Variants in GRIK5 observed in about 807,000 individuals in gnomAD.
GRIK5 encodes the protein glutamate receptor ionotropic, kainate 5.
GRIK5 carries 43 observed loss-of-function variants against 97.4 expected under a neutral mutation model. The ratio of observed to expected loss-of-function variants is 0.44; its 90% CI spans 0.35 to 0.57. The LOEUF (loss-of-function observed/expected upper bound fraction) is 0.57. Among genes scored for constraint, GRIK5 ranks in the 20% least tolerant of loss-of-function variants. GRIK5 has a pLI of 0.01. For synonymous variants in GRIK5, 580 were observed against 583.5 expected, an observed-to-expected ratio of 0.99 and a Z score of 0.09; for missense variants, 1,015 against 1,382.0, an observed-to-expected ratio of 0.73 and a Z score of 4.21.
At position 42,022,434 on chromosome 19, in the gene GRIK5, A is replaced by T; in HGVS notation, c.1474-80T>A. 1.4e-6 allele frequency: 2 copies of T among 1,476,430 alleles called. No homozygotes were observed. Among genetic ancestry groups the T allele is most frequent in the Non-Finnish European group, 1.8e-6 (2 of 1,085,502 alleles). 91.5% of individuals were successfully genotyped at this position (1,476,430 alleles called of 1,614,324 possible). A position where few individuals can be genotyped will look rare whatever the true frequency, so the allele number is the denominator to read the frequency against. Reference sequence around the variant, plus strand: ...TGGACAGTTAGAGAGAAATGCACGGAGAGTGAGCAACTGAGGGAGGCGAGA... The same window carrying T: ...TGGACAGTTAGAGAGAAATGCACGGTGAGTGAGCAACTGAGGGAGGCGAGA... On this transcript the variant is annotated intron_variant, in intron 12 of 19. Coordinates refer to ENST00000593562, the MANE Select transcript of GRIK5 (RefSeq NM_002088.5). The surrounding 1 kb of genome is among the most constrained non-coding windows in gnomAD (Gnocchi z 4.2).
chr19:42,050,625 T>A lies in GRIK5; in HGVS notation c.1269+2977A>T, dbSNP rs539177025. 6.4e-5 allele frequency among the ~76,000 whole-genome samples: 9 copies of A among 141,100 alleles called. 1 individual carries two copies. The East Asian group carries it at 1.9e-3, about 29-fold the overall frequency. The allele number at this position is 141,100 out of a possible 152,430, so 92.6% of individuals were successfully genotyped here. ...GTGAGCCGAGATCGCGCCACTGCAC[T>A]CCAGCCTGGGTGACAGAGCAAGACT... is the stretch of plus-strand genomic sequence containing the variant. On this transcript the variant is annotated intron_variant, in intron 11 of 19. Transcript: ENST00000593562.
intron 3 of GRIK5, chr19:42,063,494 G>A (rs1263792799): frequency 1.0e-5 from 4 of 382,776 alleles, no homozygotes. Flanking sequence ...GCCTTGGGGA[G>A]TCACAGAACT....
Position 41,999,034 on chromosome 19 carries a change from C to G in GRIK5, c.2780G>C (p.Cys927Ser). The change falls in exon 20 of 20, where the codon TGC (cysteine) becomes TCC (serine). Residue 927 changes from cysteine (C) to serine (S), a missense_variant. This residue lies in a region of GRIK5 where 109 missense variants were observed against 100.4 expected (regional missense o/e 1.09). Coordinates refer to ENST00000593562, the MANE Select transcript of GRIK5 (RefSeq NM_002088.5). This position sits in a 1 kb window ranked among gnomAD's most constrained non-coding sequence, Gnocchi z 5.0. ...CTCCTGGCAGACGCGCACGTGGGTG[C>G]AGGGGGTGGGGGCGGCGGGTCGGGC... The part of the protein sequence containing the change: ...SGARPAAPTP[C>S]THVRVCQECR... 1 of 1,206,438 alleles carries G rather than the reference C, an allele frequency of 8.3e-7. No individual in the cohort carries two copies. The highest frequency in any genetic ancestry group is 3.3e-4 in the Middle Eastern group (1 of 3,044). The allele number at this position is 1,206,438 out of a possible 1,614,324, so 74.7% of individuals were successfully genotyped here. A position where few individuals can be genotyped will look rare whatever the true frequency, so the allele number is the denominator to read the frequency against.
intron 12 of GRIK5, among the ~76,000 whole-genome samples, chr19:42,032,413 A>G (rs2075850881): frequency 6.6e-6 from 1 of 152,202 alleles, no homozygotes; most frequent in Non-Finnish European, 1.5e-5. Context: ...CTTTTTGAAC[A>G]GCCATTTGGC....
intron 15 of GRIK5, among the ~76,000 whole-genome samples, chr19:42,008,029 T>C (rs2075514481): frequency 1.3e-5 from 2 of 152,026 alleles, no homozygotes; most frequent in South Asian, 4.1e-4. Flanking sequence ...ATGTCTGTTA[T>C]GTAATTTTTT....
Position 41,999,152 on chromosome 19 carries a change from C to G in GRIK5, c.2662G>C (p.Gly888Arg), listed in dbSNP as rs782194174. 2 of 1,497,662 alleles carry G rather than the reference C, an allele frequency of 1.3e-6. No individual in the cohort carries two copies. Among genetic ancestry groups the G allele is most frequent in the South Asian group, 1.2e-5 (1 of 80,354 alleles). The allele number at this position is 1,497,662 out of a possible 1,614,324, so 92.8% of individuals were successfully genotyped here. A position where few individuals can be genotyped will look rare whatever the true frequency, so the allele number is the denominator to read the frequency against. Residue 888 changes from glycine to arginine, a missense_variant, in exon 20 of 20, where the codon GGC (glycine) becomes CGC (arginine). By Grantham distance (125) the Gly-to-Arg change is moderately radical. Around this residue, in one of 5 missense-constraint regions of GRIK5, gnomAD observed 229 missense variants for 341.0 expected, o/e 0.67. Coordinates refer to ENST00000593562, the MANE Select transcript of GRIK5 (RefSeq NM_002088.5). This position sits in a 1 kb window ranked among gnomAD's most constrained non-coding sequence, Gnocchi z 5.0. ...RAVREMRLSN[G>R]KLYSAGAGGD... ...CCCGCGCCGGCCGAGTAGAGCTTGC[C>G]GTTGCTGAGGCGCATCTCGCGGACC...
At chr19:42,010,214 CAGAA>C (rs1913758326) in intron 15 of GRIK5, among the ~76,000 whole-genome samples, 1 of 151,874 alleles carries the variant, frequency 6.6e-6, no homozygotes. Context: ...ACTGGAGTTC[CAGAA>C]AGAGAGGAGA....
intron 12 of GRIK5, among the ~76,000 whole-genome samples, chr19:42,026,006 T>C (rs986123597): frequency 6.6e-6 from 1 of 152,192 alleles, no homozygotes; most frequent in African/African-American, 2.4e-5. Context: ...ATTTTTCTTT[T>C]TAGAGACAGT....
At chr19:42,058,383 G>A (rs906026448) in intron 6 of GRIK5, among the ~76,000 whole-genome samples, 17 of 150,292 alleles carry the variant, frequency 1.1e-4, no homozygotes, top group Non-Finnish European at 1.6e-4. Context: ...GGGTTTCACC[G>A]TGTTACCCAG....
In GRIK5 at chr19:42,054,340, G is replaced by A; in HGVS notation, c.1036C>T (p.Leu346Phe). 1 of 1,612,464 alleles carries A rather than the reference G, an allele frequency of 6.2e-7. No homozygotes were observed. The highest frequency in any genetic ancestry group is 8.5e-7 in the Non-Finnish European group (1 of 1,179,420). ...SANIWPHGTSLMNYLRMVEYD... is the reference protein window; with the variant it reads ...SANIWPHGTSFMNYLRMVEYD... ...CTCACCATGCGCAGGTAGTTCATGA[G>A]GCTGGTCCCGTGGGGCCAAATGTTG... Residue 346 changes from leucine to phenylalanine, a missense_variant, in exon 9 of 20, where the codon CTC (leucine) becomes TTC (phenylalanine). Leu to Phe is a conservative substitution (Grantham distance 22). This residue lies in a region of GRIK5 where 477 missense variants were observed against 701.1 expected (regional missense o/e 0.68). Coordinates refer to ENST00000593562, the MANE Select transcript of GRIK5 (RefSeq NM_002088.5).
chr19:42,027,629 A>G (rs573406732), intron 12 of GRIK5, among the ~76,000 whole-genome samples: 1 of 152,178 alleles, frequency 6.6e-6, no homozygotes, highest in Non-Finnish European at 1.5e-5. Context: ...CAGGGAGCCA[A>G]CTGCAGATGC....
chr19:42,065,568 G>A lies in GRIK5; in HGVS notation c.79+124C>T. On this transcript the variant is annotated intron_variant, in intron 2 of 19. Coordinates refer to ENST00000593562, the MANE Select transcript of GRIK5 (RefSeq NM_002088.5). This position sits in a 1 kb window ranked among gnomAD's most constrained non-coding sequence, Gnocchi z 5.8. ...CTGGGTCCTGGGGGAAGGAGGAACT[G>A]GAGGCTGGGATTCCTTGCTGCTGAA... 1.0e-6 allele frequency: 1 copy of A among 998,404 alleles called. No individual in the cohort carries two copies. 61.8% of individuals were successfully genotyped at this position (998,404 alleles called of 1,614,324 possible).
intron 11 of GRIK5, among the ~76,000 whole-genome samples, chr19:42,050,649 C>T (rs1176127195): frequency 1.4e-5 from 2 of 145,534 alleles, no homozygotes; most frequent in Admixed American, 6.9e-5. Flanking sequence ...CAGAGCAAGA[C>T]TCTGTCTCAA....
Position 42,006,091 on chromosome 19 carries a change from A to G in GRIK5, c.2038-143T>C, listed in dbSNP as rs138836035. 279 of 636,464 alleles carry G rather than the reference A, an allele frequency of 4.4e-4. 4 individuals are homozygous for G. In the African/African-American group the frequency reaches 4.7e-3, roughly 11 times the overall value. 39.4% of individuals were successfully genotyped at this position (636,464 alleles called of 1,614,324 possible). ...AGGAAGACAGAGCCAAAGGTAGAGG[A>G]GAGAGAGGAGATGGACAAACTGTCC... On this transcript the variant is annotated intron_variant, in intron 16 of 19. Transcript: ENST00000593562. This position sits in a 1 kb window ranked among gnomAD's most constrained non-coding sequence, Gnocchi z 5.3.
Position 42,042,911 on chromosome 19 carries a change from G to A in GRIK5, c.1270-156C>T, listed in dbSNP as rs958787566. On this transcript the variant is annotated intron_variant, in intron 11 of 19. Coordinates refer to ENST00000593562, the MANE Select transcript of GRIK5 (RefSeq NM_002088.5). The surrounding 1 kb of genome is among the most constrained non-coding windows in gnomAD (Gnocchi z 6.9). ...CATTTCTCACTTACAAATGCTCAGAGTGGGGAATAGACCTGAAAGCCAGGG... is the reference window on the plus strand; with the variant it reads ...CATTTCTCACTTACAAATGCTCAGAATGGGGAATAGACCTGAAAGCCAGGG... 13 of 633,666 alleles carry A rather than the reference G, an allele frequency of 2.1e-5. No homozygotes were observed. Among genetic ancestry groups the A allele is most frequent in the Non-Finnish European group, 3.3e-5 (12 of 364,442 alleles). 39.3% of individuals were successfully genotyped at this position (633,666 alleles called of 1,614,324 possible).
chr19:42,062,718 C>T lies in GRIK5; in HGVS notation c.342+40G>A, dbSNP rs993976966. On this transcript the variant is annotated intron_variant, in intron 4 of 19. Transcript: ENST00000593562. The surrounding 1 kb of genome is among the most constrained non-coding windows in gnomAD (Gnocchi z 5.3). Reference sequence around the variant, plus strand: ...CGCCCAGCCCTCGCCTCCCAGGGACCCGCTCCCCACAAAGCGCCGGCCCAC... The same window carrying T: ...CGCCCAGCCCTCGCCTCCCAGGGACTCGCTCCCCACAAAGCGCCGGCCCAC... 1.5e-5 allele frequency: 24 copies of T among 1,612,294 alleles called. No homozygotes were observed. The highest frequency in any genetic ancestry group is 2.0e-5 in the Non-Finnish European group (24 of 1,178,466).
chr19:42,027,600 C>A (rs1428510008), intron 12 of GRIK5, among the ~76,000 whole-genome samples: 12 of 152,242 alleles, frequency 7.9e-5, no homozygotes, highest in Admixed American at 7.2e-4. Flanking sequence ...ACCACAGGCA[C>A]AAGAGTGGAT....
intron 11 of GRIK5, among the ~76,000 whole-genome samples, chr19:42,049,024 G>A (rs2076079336): frequency 6.6e-6 from 1 of 152,112 alleles, no homozygotes; most frequent in African/African-American, 2.4e-5. Context: ...CTGGGTAACA[G>A]AGCAAGACCC....
intron 11 of GRIK5, among the ~76,000 whole-genome samples, chr19:42,044,093 G>A (rs1426809447): frequency 1.3e-5 from 2 of 152,140 alleles, no homozygotes; most frequent in Non-Finnish European, 2.9e-5. Flanking sequence ...CACGAGATCT[G>A]ATGGTTTTAT....
Sources: allele counts gnomAD v4.1 joint callset (sites outside exome capture counted in the v4.1 genomes callset), GRCh38; gene constraint gnomAD v4.1.1; regional missense constraint gnomAD v4.1.1; non-coding constraint Gnocchi (gnomAD v3.1); transcripts MANE v1.5; gene names NCBI Gene and HGNC (gene_info 2026-07-23, HGNC 2026-07-21).